SRD5A2: variants seen among roughly 807,000 people sequenced by gnomAD.
SRD5A2 encodes the protein 3-oxo-5-alpha-steroid 4-dehydrogenase 2.
A neutral mutation model predicts 27.4 loss-of-function variants in SRD5A2; 30 were observed. The observed-to-expected ratio is 1.10, with a 90% confidence interval of 0.82 to 1.49. The LOEUF (loss-of-function observed/expected upper bound fraction) is 1.49. SRD5A2 is among the 40% of genes most tolerant of loss of function. The pLI is 0.00. For synonymous variants in SRD5A2, 141 were observed against 133.6 expected, an observed-to-expected ratio of 1.06 and a Z score of -0.38; for missense variants, 348 against 323.4, an observed-to-expected ratio of 1.08 and a Z score of -0.58.
At chr2:31,603,011 C>A in the SRD5A2 span, among the ~76,000 whole-genome samples, 1 of 151,706 alleles carries the variant, frequency 6.6e-6, no homozygotes, top group Non-Finnish European at 1.5e-5. Context: ...TATGGGCAAA[C>A]ATTTCATGGT....
chr2:31,567,559 G>A (rs1297672992), intron 1 of SRD5A2, among the ~76,000 whole-genome samples: 5 of 151,554 alleles, frequency 3.3e-5, no homozygotes, highest in African/African-American at 1.2e-4. Flanking sequence ...ACAACAAAAG[G>A]TTCTTCATAC....
intron 1 of SRD5A2, among the ~76,000 whole-genome samples, chr2:31,535,856 C>T (rs1172885973): frequency 6.6e-6 from 1 of 152,198 alleles, no homozygotes; most frequent in African/African-American, 2.4e-5. Flanking sequence ...GGAAAAAGAA[C>T]AGAGTGAAGA....
chr2:31,646,483 G>A, the SRD5A2 span, among the ~76,000 whole-genome samples: 1 of 152,070 alleles, frequency 6.6e-6, no homozygotes, highest in African/African-American at 2.4e-5. Context: ...TTCAAAAAGA[G>A]CACAGCCCCT....
the SRD5A2 span, among the ~76,000 whole-genome samples, chr2:31,621,126 A>T: frequency 6.6e-6 from 1 of 151,846 alleles, no homozygotes; most frequent in South Asian, 2.1e-4. Context: ...GGTTTCCTTC[A>T]ATAGTAACAT....
Position 31,526,276 on chromosome 2 carries a change from A to C in SRD5A2, c.699-14T>G, listed in dbSNP as rs1372506142. 1 of 1,538,728 alleles carries C rather than the reference A, an allele frequency of 6.5e-7. No homozygotes were observed. The highest frequency in any genetic ancestry group is 8.9e-7 in the Non-Finnish European group (1 of 1,127,586). ...TTGAGGTAGAACCTAAAAGACAAGA[A>C]AGGAATAATTGTAAATATAATGGAG... is the stretch of plus-strand genomic sequence containing the variant. On this transcript the variant is annotated splice_polypyrimidine_tract_variant and intron_variant, in intron 4 of 4. Coordinates refer to ENST00000622030, the MANE Select transcript of SRD5A2 (RefSeq NM_000348.4).
the SRD5A2 span, among the ~76,000 whole-genome samples, chr2:31,603,782 C>A: frequency 7.9e-5 from 12 of 152,036 alleles, no homozygotes; most frequent in African/African-American, 2.2e-4. Flanking sequence ...CCTCAGCAAA[C>A]TAACACAGGA....
intron 1 of SRD5A2, among the ~76,000 whole-genome samples, chr2:31,567,454 G>GTATATATATATATATATA (rs575917234): frequency 1.1e-5 from 1 of 91,982 alleles, no homozygotes; most frequent in Admixed American, 1.2e-4. Flanking sequence ...GTGTGTGTGT[G>GTATATATATATATATATA]TGTATATATA....
At chr2:31,532,680 T>C (rs568927994) in intron 2 of SRD5A2, among the ~76,000 whole-genome samples, 1 of 152,256 alleles carries the variant, frequency 6.6e-6, no homozygotes, top group Admixed American at 6.5e-5. Flanking sequence ...AACAGTTTAG[T>C]TGAAACAATC....
chr2:31,606,765 G>A, the SRD5A2 span, among the ~76,000 whole-genome samples: 2,463 of 151,930 alleles, frequency 0.016, 31 homozygotes, highest in South Asian at 0.028. Flanking sequence ...GAGTCACATC[G>A]TTGGCATAAA....
chr2:31,581,816 G>A (rs1667089213), upstream of SRD5A2, among the ~76,000 whole-genome samples: 1 of 152,102 alleles, frequency 6.6e-6, no homozygotes, highest in Admixed American at 6.5e-5. Context: ...ATCAGGTGGT[G>A]GCCTGGCGAC....
chr2:31,589,664 G>A, the SRD5A2 span, among the ~76,000 whole-genome samples: 1 of 152,218 alleles, frequency 6.6e-6, no homozygotes, highest in African/African-American at 2.4e-5. Context: ...TAGAACTGGG[G>A]AGGGGCCACA....
the SRD5A2 span, among the ~76,000 whole-genome samples, chr2:31,637,148 T>C: frequency 6.6e-6 from 1 of 152,212 alleles, no homozygotes; most frequent in Admixed American, 6.5e-5. Context: ...TAGATCTCAT[T>C]ACTTGTAATT....
chr2:31,555,532 G>C (rs1268210306), intron 1 of SRD5A2, among the ~76,000 whole-genome samples: 1 of 152,150 alleles, frequency 6.6e-6, no homozygotes, highest in African/African-American at 2.4e-5. Context: ...TCTTAGTACA[G>C]TTGTCTTGCC....
upstream of SRD5A2, chr2:31,580,946 C>T (rs774272770): frequency 3.2e-6 from 5 of 1,558,338 alleles, no homozygotes; most frequent in South Asian, 1.2e-5. Context: ...CAGAAGAGAG[C>T]GCGGCCCCCG....
At chr2:31,535,901 G>T (rs1666016766) in intron 1 of SRD5A2, among the ~76,000 whole-genome samples, 1 of 152,184 alleles carries the variant, frequency 6.6e-6, no homozygotes, top group Admixed American at 6.5e-5. Flanking sequence ...TGGTTAAAAA[G>T]GTCAGGCTCG....
the SRD5A2 span, among the ~76,000 whole-genome samples, chr2:31,613,488 G>C: frequency 6.6e-6 from 1 of 152,138 alleles, no homozygotes; most frequent in Non-Finnish European, 1.5e-5. Context: ...TTTTAGAATG[G>C]TTATTACTCA....
At chr2:31,566,514 G>A (rs961992573) in intron 1 of SRD5A2, among the ~76,000 whole-genome samples, 2 of 152,160 alleles carry the variant, frequency 1.3e-5, no homozygotes, top group East Asian at 3.8e-4. Context: ...GGATGAAAGA[G>A]ATGAGATCCT....
chr2:31,614,560 A>G, the SRD5A2 span, among the ~76,000 whole-genome samples: 1,642 of 152,292 alleles, frequency 0.011, 19 homozygotes, highest in African/African-American at 0.038. Flanking sequence ...TCCGTAGGAC[A>G]GTGGCCTCTT....
At chr2:31,578,336 T>C in intron 1 of SRD5A2, among the ~76,000 whole-genome samples, 1 of 138,012 alleles carries the variant, frequency 7.2e-6, no homozygotes, top group East Asian at 2.1e-4. Context: ...CAGTTTATTA[T>C]CATACCTGAA....
Sources: allele counts gnomAD v4.1 joint callset (sites outside exome capture counted in the v4.1 genomes callset), GRCh38; gene constraint gnomAD v4.1.1; transcripts MANE v1.5; gene names NCBI Gene and HGNC (gene_info 2026-07-23, HGNC 2026-07-21).